The following ACTMAP variants were observed in gnomAD, a reference collection of about 807,000 sequenced individuals.
ACTMAP encodes the protein UPF0692 protein C19orf54.
chr19:40,748,903 A>AT, the ACTMAP span, among the ~76,000 whole-genome samples: 1 of 151,444 alleles, frequency 6.6e-6, no homozygotes, highest in Non-Finnish European at 1.5e-5. Flanking sequence ...GGGCTTTGTC[A>AT]TGACAGCCCT....
At chr19:40,742,053 G>A in the ACTMAP span, 1 of 484,320 alleles carries the variant, frequency 2.1e-6, no homozygotes, top group African/African-American at 2.0e-5. Context: ...TGACTAGTAG[G>A]TGGCAAGCAT....
chr19:40,743,910 C>T, the ACTMAP span: 4 of 1,613,904 alleles, frequency 2.5e-6, no homozygotes, highest in Non-Finnish European at 3.4e-6. Flanking sequence ...CCCACCTGCA[C>T]TCACCGCCCA....
the ACTMAP span, chr19:40,741,568 A>G: frequency 2.7e-6 from 1 of 373,762 alleles, no homozygotes; most frequent in Middle Eastern, 9.4e-4. Context: ...TCATGAAGCT[A>G]GTAATCACAC....
chr19:40,749,404 A>ACCCCCCCCCC, the ACTMAP span: 3 of 1,174,256 alleles, frequency 2.6e-6, no homozygotes, highest in Non-Finnish European at 3.5e-6. Context: ...GGACACGGGA[A>ACCCCCCCCCC]CCCCCCCCCC....
At chr19:40,745,128 A>G in the ACTMAP span, 1 of 1,551,894 alleles carries the variant, frequency 6.4e-7, no homozygotes, top group Non-Finnish European at 8.7e-7. Flanking sequence ...CAGGGCACAT[A>G]CTGAGGGCCT....
At chr19:40,747,396 G>A in the ACTMAP span, among the ~76,000 whole-genome samples, 1 of 151,976 alleles carries the variant, frequency 6.6e-6, no homozygotes, top group Admixed American at 6.6e-5. Flanking sequence ...AAATTAGCCA[G>A]GCGTGGTGGT....
the ACTMAP span, chr19:40,744,919 T>C: frequency 1.3e-6 from 1 of 788,378 alleles, no homozygotes; most frequent in African/African-American, 1.7e-5. Context: ...GTTAGAGAGA[T>C]GGACCAGGCT....
At chr19:40,745,859 A>C in the ACTMAP span, among the ~76,000 whole-genome samples, 1 of 151,768 alleles carries the variant, frequency 6.6e-6, no homozygotes, top group African/African-American at 2.4e-5. Flanking sequence ...TTTAGTAGAA[A>C]CGGGGTTTCA....
At chr19:40,746,687 T>G in the ACTMAP span, among the ~76,000 whole-genome samples, 1 of 152,240 alleles carries the variant, frequency 6.6e-6, no homozygotes, top group African/African-American at 2.4e-5. Flanking sequence ...TTTTTGTATT[T>G]TTAGTAGATA....
the ACTMAP span, among the ~76,000 whole-genome samples, chr19:40,749,102 C>T: frequency 2.6e-5 from 4 of 151,646 alleles, no homozygotes; most frequent in South Asian, 4.2e-4. Flanking sequence ...GCGATTCTCC[C>T]GCCTCAGCCT....
the ACTMAP span, chr19:40,745,042 C>G: frequency 6.9e-7 from 1 of 1,446,716 alleles, no homozygotes; most frequent in South Asian, 1.2e-5. Flanking sequence ...ACAATCCACT[C>G]CTCTTCTCCA....
the ACTMAP span, chr19:40,742,903 G>A: frequency 2.8e-5 from 24 of 867,382 alleles, no homozygotes; most frequent in African/African-American, 3.9e-4. Flanking sequence ...TGACGTTAGT[G>A]GTGGCCAGTG....
At chr19:40,748,620 C>T in the ACTMAP span, among the ~76,000 whole-genome samples, 1 of 152,196 alleles carries the variant, frequency 6.6e-6, no homozygotes, top group African/African-American at 2.4e-5. Flanking sequence ...CCCCCGTGCC[C>T]TCAGGAAAGT....
chr19:40,742,975 C>T, the ACTMAP span, among the ~76,000 whole-genome samples: 6 of 152,188 alleles, frequency 3.9e-5, no homozygotes, highest in African/African-American at 1.4e-4. Flanking sequence ...TAAGTCTTGC[C>T]TCATCTGGCC....
chr19:40,748,747 G>T, the ACTMAP span, among the ~76,000 whole-genome samples: 1 of 152,180 alleles, frequency 6.6e-6, no homozygotes, highest in Non-Finnish European at 1.5e-5. Flanking sequence ...TCCTTGAATA[G>T]AACATGTCCT....
the ACTMAP span, among the ~76,000 whole-genome samples, chr19:40,746,523 C>A: frequency 6.6e-6 from 1 of 151,842 alleles, no homozygotes; most frequent in Non-Finnish European, 1.5e-5. Context: ...CTGCAGGCTC[C>A]CGCCACCACA....
chr19:40,743,664 G>T, the ACTMAP span, among the ~76,000 whole-genome samples: 5 of 152,196 alleles, frequency 3.3e-5, no homozygotes, highest in Non-Finnish European at 7.3e-5. Context: ...GAGTCACAGA[G>T]CCTAGAAGAG....
At chr19:40,749,467 C>CA in the ACTMAP span, 2 of 1,483,552 alleles carry the variant, frequency 1.3e-6, no homozygotes, top group East Asian at 5.6e-5. Flanking sequence ...GTGGGTGGGG[C>CA]ATGGAGACCC....
At chr19:40,749,724 G>T in the ACTMAP span, 2 of 1,511,066 alleles carry the variant, frequency 1.3e-6, no homozygotes, top group Admixed American at 2.5e-5. Context: ...AGGAGGAGAT[G>T]GAATGCTGCT....
Sources: gnomAD v4.1 joint callset for allele counts (sites outside exome capture counted in the v4.1 genomes callset) on GRCh38, gnomAD v4.1.1 for gene constraint, MANE v1.5 for transcripts, NCBI Gene and HGNC (gene_info 2026-07-23, HGNC 2026-07-21) for gene names.